TOP6BL: variants seen among roughly 807,000 people sequenced by gnomAD.
The protein encoded by TOP6BL is TOP6B like initiator of meiotic double strand breaks.
chr11:66,748,449 A>G, the TOP6BL span: 1 of 1,548,318 alleles, frequency 6.5e-7, no homozygotes, highest in Non-Finnish European at 8.7e-7. Flanking sequence ...CTAGAAGGGC[A>G]GCTAGTGATT....
the TOP6BL span, among the ~76,000 whole-genome samples, chr11:66,839,566 A>G: frequency 6.6e-6 from 1 of 152,352 alleles, no homozygotes; most frequent in Middle Eastern, 3.4e-3. Flanking sequence ...ATACGCGTTT[A>G]TGCTTAGGCC....
chr11:66,821,663 A>G, the TOP6BL span: 9 of 1,609,648 alleles, frequency 5.6e-6, no homozygotes, highest in Middle Eastern at 1.7e-4. Context: ...TTTGCTCACA[A>G]CTCATCTCAA....
At chr11:66,760,995 T>C in the TOP6BL span, among the ~76,000 whole-genome samples, 111 of 122,654 alleles carry the variant, frequency 9.0e-4, 1 homozygote, top group African/African-American at 3.2e-3. Context: ...TTAAAGCACC[T>C]TTTTTTTTTT....
At chr11:66,764,856 C>T in the TOP6BL span, among the ~76,000 whole-genome samples, 1 of 151,630 alleles carries the variant, frequency 6.6e-6, no homozygotes, top group African/African-American at 2.4e-5. Flanking sequence ...GGGGTCCCAG[C>T]TACTAGGGGG....
chr11:66,829,344 G>A, the TOP6BL span, among the ~76,000 whole-genome samples: 2 of 150,950 alleles, frequency 1.3e-5, no homozygotes, highest in Non-Finnish European at 3.0e-5. Context: ...GGGAGGCCAA[G>A]GTAGGTGGAC....
the TOP6BL span, among the ~76,000 whole-genome samples, chr11:66,834,974 G>C: frequency 1.4e-4 from 21 of 149,230 alleles, no homozygotes; most frequent in African/African-American, 5.2e-4. Context: ...CCCAGAATGA[G>C]CAGGAGTAGT....
the TOP6BL span, among the ~76,000 whole-genome samples, chr11:66,746,678 C>T: frequency 1.1e-4 from 17 of 151,996 alleles, no homozygotes; most frequent in Middle Eastern, 3.4e-3. Context: ...CGCACCATTG[C>T]ACTCCAGCCT....
At chr11:66,787,393 T>C in the TOP6BL span, among the ~76,000 whole-genome samples, 4 of 151,778 alleles carry the variant, frequency 2.6e-5, no homozygotes, top group Non-Finnish European at 5.9e-5. Context: ...TTTTGTGTAA[T>C]ATCAACATTG....
chr11:66,799,426 G>T, the TOP6BL span, among the ~76,000 whole-genome samples: 1 of 151,692 alleles, frequency 6.6e-6, no homozygotes, highest in African/African-American at 2.4e-5. Flanking sequence ...GCTGAGCACG[G>T]TGGCTCATGC....
At chr11:66,830,312 A>C in the TOP6BL span, among the ~76,000 whole-genome samples, 31 of 152,352 alleles carry the variant, frequency 2.0e-4, no homozygotes, top group Admixed American at 2.0e-4. Context: ...ATAACCTATG[A>C]GTTAAACACA....
At chr11:66,748,871 CAAAA>C in the TOP6BL span, among the ~76,000 whole-genome samples, 8 of 56,204 alleles carry the variant, frequency 1.4e-4, no homozygotes, top group African/African-American at 2.5e-4. Context: ...TTGGCAGTAG[CAAAA>C]AAAAAAAAAA....
chr11:66,838,622 A>G, the TOP6BL span, among the ~76,000 whole-genome samples: 1 of 152,180 alleles, frequency 6.6e-6, no homozygotes, highest in South Asian at 2.1e-4. Flanking sequence ...TCCCTCCCCA[A>G]GATGTTAGGA....
At chr11:66,764,213 C>T in the TOP6BL span, among the ~76,000 whole-genome samples, 4 of 152,188 alleles carry the variant, frequency 2.6e-5, no homozygotes, top group African/African-American at 9.6e-5. Flanking sequence ...GTTCAAGAAT[C>T]ATGGGCTGAC....
At chr11:66,811,331 A>G in the TOP6BL span, among the ~76,000 whole-genome samples, 23 of 152,248 alleles carry the variant, frequency 1.5e-4, no homozygotes, top group Admixed American at 3.9e-4. Context: ...AGCTGGGACT[A>G]CATGTGCCCA....
At chr11:66,762,274 A>C in the TOP6BL span, 1 of 489,092 alleles carries the variant, frequency 2.0e-6, no homozygotes, top group South Asian at 2.1e-5. Context: ...GAGCAGCCTG[A>C]AGGGCGGGCG....
At chr11:66,802,690 C>T in the TOP6BL span, among the ~76,000 whole-genome samples, 2 of 152,156 alleles carry the variant, frequency 1.3e-5, no homozygotes, top group African/African-American at 2.4e-5. Flanking sequence ...AAAGAGACTG[C>T]CTGTGGTTCT....
the TOP6BL span, among the ~76,000 whole-genome samples, chr11:66,824,590 T>TC: frequency 2.2e-5 from 3 of 138,908 alleles, no homozygotes; most frequent in Non-Finnish European, 3.1e-5. Context: ...ATGCTATCCT[T>TC]CCCCCCTCCC....
the TOP6BL span, among the ~76,000 whole-genome samples, chr11:66,762,636 A>AT: frequency 9.9e-5 from 15 of 151,868 alleles, no homozygotes; most frequent in South Asian, 1.2e-3. Flanking sequence ...ACGCCCAGCT[A>AT]TTTTTTGCAT....
chr11:66,754,736 G>T, the TOP6BL span, among the ~76,000 whole-genome samples: 1 of 152,142 alleles, frequency 6.6e-6, no homozygotes, highest in Non-Finnish European at 1.5e-5. Context: ...GGGGTATTGG[G>T]TATCTCAGCA....
Sources: allele counts gnomAD v4.1 joint callset (sites outside exome capture counted in the v4.1 genomes callset), GRCh38; gene constraint gnomAD v4.1.1; transcripts MANE v1.5; gene names NCBI Gene and HGNC (gene_info 2026-07-23, HGNC 2026-07-21).